LARP1: variants seen among roughly 807,000 people sequenced by gnomAD.
The protein encoded by LARP1 is la-related protein 1.
LARP1 carries 36 observed loss-of-function variants against 122.7 expected under a neutral mutation model. The ratio of observed to expected loss-of-function variants is 0.29; its 90% confidence interval spans 0.22 to 0.39. LARP1 has a LOEUF of 0.39. LARP1 is among the 10% of genes least tolerant of loss of function. LARP1 has a pLI of 1.00. For synonymous variants in LARP1, 539 were observed against 528.7 expected (o/e 1.02, Z -0.27); for missense variants, 1,040 against 1,403.6 (o/e 0.74, Z 4.14).
At chr5:154,787,424 G>C (rs967750021) in intron 1 of LARP1, among the ~76,000 whole-genome samples, 3 of 152,292 alleles carry the variant, frequency 2.0e-5, no homozygotes, top group African/African-American at 7.2e-5. Flanking sequence ...CTGTGTGCAC[G>C]TGTGCACACG....
intron 1 of LARP1, among the ~76,000 whole-genome samples, chr5:154,761,931 G>C (rs1174075557): frequency 6.6e-6 from 1 of 152,118 alleles, no homozygotes; most frequent in African/African-American, 2.4e-5. Context: ...TGAGTATGGG[G>C]CAGTACAGTT....
chr5:154,799,632 A>T lies in LARP1; in HGVS notation c.1419A>T (p.Lys473Asn). ...DSKVVEIVDEKVRRREEPEKW... is the reference protein window; with the variant it reads ...DSKVVEIVDENVRRREEPEKW... ...AGGTGGTGGAGATCGTTGATGAGAAAGTTCGTAGGAGGGAGGAACCAGAAA... is the reference window on the plus strand; with the variant it reads ...AGGTGGTGGAGATCGTTGATGAGAATGTTCGTAGGAGGGAGGAACCAGAAA... Residue 473 changes from lysine to asparagine, a missense_variant, in exon 9 of 19, where the codon AAA becomes AAT. By Grantham distance (94) the Lys-to-Asn change is moderately conservative. Around this residue, in one of 8 missense-constraint regions of LARP1, gnomAD observed 362 missense variants for 533.1 expected, o/e 0.68. Coordinates refer to ENST00000518297, the MANE Select transcript of LARP1 (RefSeq NM_033551.3). 1 of 1,614,118 alleles carries T rather than the reference A, an allele frequency of 6.2e-7. No homozygotes were observed. The highest frequency in any genetic ancestry group is 8.5e-7 in the Non-Finnish European group (1 of 1,180,000).
At chr5:154,729,548 GA>G in intron 1 of LARP1, 5 of 439,894 alleles carry the variant, frequency 1.1e-5, no homozygotes, top group South Asian at 6.7e-5. Context: ...AAGTGTGAAG[GA>G]AAATGATCAG....
At chr5:154,770,305 A>G (rs1031131068) in intron 1 of LARP1, among the ~76,000 whole-genome samples, 2 of 150,122 alleles carry the variant, frequency 1.3e-5, no homozygotes, top group African/African-American at 4.9e-5. Context: ...TCTGATTGCT[A>G]TTTCGTATTT....
At chr5:154,708,432 C>G (rs1378718491), upstream of LARP1, among the ~76,000 whole-genome samples, 1 of 152,134 alleles carries the variant, frequency 6.6e-6, no homozygotes, top group Admixed American at 6.5e-5. Flanking sequence ...AAAGAAATCT[C>G]TTGTAACTCA....
At chr5:154,798,855 T>TTTTG (rs60748260) in intron 8 of LARP1, among the ~76,000 whole-genome samples, 9,506 of 151,952 alleles carry the variant, frequency 0.063, 589 homozygotes, top group African/African-American at 0.17. Flanking sequence ...TTGGTTGTTT[T>TTTTG]TTTGTTTGTT....
At chr5:154,714,099 A>G (rs937236196) in intron 1 of LARP1, among the ~76,000 whole-genome samples, 4 of 152,214 alleles carry the variant, frequency 2.6e-5, no homozygotes, top group Non-Finnish European at 5.9e-5. Context: ...TGGGGATTGT[A>G]ATCTGGGCAA....
rs77627772 is a variant in LARP1 at position 154,788,233 on chromosome 5, G to A, written c.437-2092G>A. On this transcript the variant is annotated intron_variant, in intron 1 of 18. Transcript: ENST00000518297. ...ACCCAGGAGTCCCAGGAGTATGGGTGCAGAATGGCCCCTTGGGCCTAAGAA... is the reference window on the plus strand; with the variant it reads ...ACCCAGGAGTCCCAGGAGTATGGGTACAGAATGGCCCCTTGGGCCTAAGAA... Among the ~76,000 whole-genome samples the A allele has an allele frequency of 2.6e-5, 4 of 152,350 alleles. No individual in the cohort carries two copies. In the East Asian group the frequency reaches 5.8e-4, roughly 22 times the overall value.
intron 1 of LARP1, among the ~76,000 whole-genome samples, chr5:154,770,828 C>T (rs1268069900): frequency 6.6e-6 from 1 of 152,172 alleles, no homozygotes; most frequent in East Asian, 1.9e-4. Flanking sequence ...GGGATTGGAT[C>T]CTGGCCGGGC....
upstream of LARP1, among the ~76,000 whole-genome samples, chr5:154,708,153 C>T (rs1755040179): frequency 6.6e-6 from 1 of 152,182 alleles, no homozygotes; most frequent in African/African-American, 2.4e-5. Context: ...CATGCACCAG[C>T]TGAGAGAAAG....
chr5:154,720,391 G>C (rs1582200978), intron 1 of LARP1, among the ~76,000 whole-genome samples: 1 of 152,106 alleles, frequency 6.6e-6, no homozygotes, highest in African/African-American at 2.4e-5. Flanking sequence ...ACAGGTTAGG[G>C]AAAATAGAGT....
intron 1 of LARP1, chr5:154,786,394 C>A: frequency 2.2e-6 from 1 of 451,600 alleles, no homozygotes; most frequent in South Asian, 1.6e-5. Context: ...CCCCCGGACC[C>A]CCTGGAACTA....
rs561067186 is a variant in LARP1 at position 154,706,267 on chromosome 5, C to T, written c.-180+23230C>T. On this transcript the variant is annotated intron_variant, in intron 1 of 18. Transcript: ENST00000687700. ...CAAGATGGCACCACTGCACTGCAGC[C>T]TGGGAGACAGAGTGCGACTTTGTCT... 6.6e-5 allele frequency among the ~76,000 whole-genome samples: 10 copies of T among 150,688 alleles called. No individual in the cohort carries two copies. In the East Asian group the frequency reaches 1.9e-3, roughly 29 times the overall value.
upstream of LARP1, among the ~76,000 whole-genome samples, chr5:154,751,087 T>C (rs1360820521): frequency 6.6e-6 from 1 of 152,182 alleles, no homozygotes; most frequent in Non-Finnish European, 1.5e-5. Flanking sequence ...TTTAGAAAGA[T>C]AGGATTCAAC....
chr5:154,699,005 C>T (rs1239878068), intron 1 of LARP1, among the ~76,000 whole-genome samples: 3 of 152,070 alleles, frequency 2.0e-5, no homozygotes, highest in Non-Finnish European at 4.4e-5. Flanking sequence ...CTATTTCTTT[C>T]GATACAAGCT....
intron 1 of LARP1, among the ~76,000 whole-genome samples, chr5:154,742,023 G>A (rs1466718160): frequency 2.0e-5 from 3 of 152,150 alleles, no homozygotes; most frequent in African/African-American, 7.2e-5. Flanking sequence ...CTAGAGATAT[G>A]TCTCAAATAG....
Position 154,814,863 on chromosome 5 carries a change from AAAAG to A in LARP1, c.*770_*773del, listed in dbSNP as rs1759560260. The A allele has an allele frequency of 6.6e-6, 1 of 152,344 alleles. No homozygotes were observed. The highest frequency in any genetic ancestry group is 1.5e-5 in the Non-Finnish European group (1 of 67,984). The allele number at this position is 152,344 out of a possible 1,614,324, so 9.4% of individuals were successfully genotyped here. A position where few individuals can be genotyped will look rare whatever the true frequency, so the allele number is the denominator to read the frequency against. On this transcript the variant is annotated 3_prime_UTR_variant, in exon 19 of 19. Transcript: ENST00000518297. The stretch of plus-strand genomic sequence containing the variant: ...TTTCCATCCTTGAAAAAATGGGGAA[AAAAG>A]AAGAAAAAAGACAAAATCGACCATA...
intron 1 of LARP1, among the ~76,000 whole-genome samples, chr5:154,706,252 C>A (rs1425715884): frequency 6.6e-6 from 1 of 151,538 alleles, no homozygotes; most frequent in Admixed American, 6.6e-5. Context: ...CAAGATGGCA[C>A]CACTGCACTG....
intron 14 of LARP1, chr5:154,805,364 A>T (rs1758687495): frequency 5.2e-6 from 1 of 193,602 alleles, no homozygotes; most frequent in South Asian, 9.1e-5. Context: ...GCAAAGGGGA[A>T]TCATCATAAA....
Sources: gnomAD v4.1 joint callset for allele counts (sites outside exome capture counted in the v4.1 genomes callset) on GRCh38, gnomAD v4.1.1 for gene constraint, gnomAD v4.1.1 regional missense constraint, MANE v1.5 for transcripts, NCBI Gene and HGNC (gene_info 2026-07-23, HGNC 2026-07-21) for gene names.